The following GMDS variants were observed in gnomAD, a reference collection of about 807,000 sequenced individuals.
The protein encoded by GMDS is GDP-mannose 4,6 dehydratase.
Under a neutral mutation model 49.9 loss-of-function variants are expected in GMDS, and 20 were observed. The ratio of observed to expected loss-of-function variants is 0.40; its 90% CI spans 0.28 to 0.58. The LOEUF is 0.58. GMDS is among the 20% of genes least tolerant of loss of function. The pLI, the probability that GMDS is intolerant of heterozygous loss-of-function variation, is 0.42. For synonymous variants in GMDS, 177 were observed against 178.6 expected, an observed-to-expected ratio of 0.99 and a Z score of 0.07; for missense variants, 362 against 481.4, an observed-to-expected ratio of 0.75 and a Z score of 2.32.
chr6:2,095,377 G>A (rs972010740), intron 4 of GMDS, among the ~76,000 whole-genome samples: 1 of 152,194 alleles, frequency 6.6e-6, no homozygotes, highest in Non-Finnish European at 1.5e-5. Flanking sequence ...CCACTTGACG[G>A]ATGTCTACAA....
chr6:1,624,512 G>A lies in GMDS; in HGVS notation c.1016C>T (p.Ala339Val). Residue 339 changes from alanine to valine, a missense_variant, in exon 10 of 11, where the codon GCG becomes GTG. Ala to Val is a moderately conservative substitution (Grantham distance 64, BLOSUM62 0). Transcript: ENST00000380815. Reference protein sequence around the residue: ...VDFLQGDCTKAKQKLNWKPRV... With the variant: ...VDFLQGDCTKVKQKLNWKPRV... ...GGGCTTCCAGTTCAGCTTCTGTTTC[G>A]CTTTGGTGCAGTCGCCCTGCAGAAA... The A allele has an allele frequency of 6.2e-7, 1 of 1,613,824 alleles. No homozygotes were observed. Among genetic ancestry groups the A allele is most frequent in the Non-Finnish European group, 8.5e-7 (1 of 1,179,758 alleles).
intron 7 of GMDS, among the ~76,000 whole-genome samples, chr6:1,867,774 A>G (rs1423061092): frequency 1.3e-5 from 2 of 152,258 alleles, no homozygotes; most frequent in African/African-American, 4.8e-5. Context: ...AAAGTCTCAG[A>G]AAACAAATCA....
chr6:1,759,948 T>A (rs1768097030), intron 7 of GMDS, among the ~76,000 whole-genome samples: 1 of 141,520 alleles, frequency 7.1e-6, no homozygotes, highest in South Asian at 2.4e-4. Flanking sequence ...AGACCTAACA[T>A]ATTCTGGGCC....
At chr6:1,819,870 T>C (rs994350891) in intron 7 of GMDS, among the ~76,000 whole-genome samples, 1 of 150,984 alleles carries the variant, frequency 6.6e-6, no homozygotes, top group African/African-American at 2.4e-5. Flanking sequence ...GTTTGTCTCC[T>C]TGCTTCACTG....
At chr6:1,856,159 A>T (rs1757929358) in intron 7 of GMDS, among the ~76,000 whole-genome samples, 1 of 152,166 alleles carries the variant, frequency 6.6e-6, no homozygotes, top group Non-Finnish European at 1.5e-5. Context: ...GCTGGTGAGG[A>T]TCAAACTTGT....
At chr6:2,071,088 T>C (rs1771963596) in intron 4 of GMDS, among the ~76,000 whole-genome samples, 1 of 152,116 alleles carries the variant, frequency 6.6e-6, no homozygotes. Context: ...GCTTGCTCTG[T>C]CTCTTGTCCA....
intron 1 of GMDS, among the ~76,000 whole-genome samples, chr6:2,180,006 T>G (rs1179673213): frequency 6.6e-6 from 1 of 152,164 alleles, no homozygotes; most frequent in Non-Finnish European, 1.5e-5. Flanking sequence ...TTCCTACCAG[T>G]GCCCATTACA....
chr6:2,153,480 A>G (rs1776946839), intron 1 of GMDS, among the ~76,000 whole-genome samples: 1 of 152,212 alleles, frequency 6.6e-6, no homozygotes, highest in South Asian at 2.1e-4. Context: ...AATGTGTCCA[A>G]TATGAAAAGT....
At position 2,178,719 on chromosome 6, in the gene GMDS, A is replaced by G. The variant is rs1354374944; in HGVS notation, c.103-53988T>C. Among the ~76,000 whole-genome samples the G allele has an allele frequency of 2.0e-5, 3 of 152,224 alleles. No individual in the cohort carries two copies. The East Asian group carries it at 5.8e-4, about 29-fold the overall frequency. ...ACCTGTGTATGTACTCCATGAATCT[A>G]AAATAAAAGTTTAAATCAAGAAACA... On this transcript the variant is annotated intron_variant, in intron 1 of 10. Transcript: ENST00000380815.
intron 4 of GMDS, among the ~76,000 whole-genome samples, chr6:2,090,933 T>C (rs1252590908): frequency 6.6e-6 from 1 of 152,210 alleles, no homozygotes; most frequent in East Asian, 1.9e-4. Flanking sequence ...ATTCCAAGCT[T>C]TTATAAAAGC....
At chr6:2,075,608 A>G (rs961844016) in intron 4 of GMDS, among the ~76,000 whole-genome samples, 7 of 152,210 alleles carry the variant, frequency 4.6e-5, no homozygotes, top group African/African-American at 1.4e-4. Flanking sequence ...ATGGCTACAT[A>G]GTTTTCCATG....
intron 9 of GMDS, among the ~76,000 whole-genome samples, chr6:1,723,883 G>C (rs1208645641): frequency 1.3e-5 from 2 of 152,068 alleles, no homozygotes; most frequent in Non-Finnish European, 2.9e-5. Flanking sequence ...ATACCAAATG[G>C]CTCTAGACCA....
At chr6:2,076,637 C>T (rs1337111950) in intron 4 of GMDS, among the ~76,000 whole-genome samples, 3 of 152,046 alleles carry the variant, frequency 2.0e-5, no homozygotes, top group African/African-American at 7.2e-5. Context: ...CTTTGACAAA[C>T]CTGACAAAAA....
chr6:2,128,400 C>G (rs1775568880), intron 1 of GMDS, among the ~76,000 whole-genome samples: 1 of 152,074 alleles, frequency 6.6e-6, no homozygotes, highest in Non-Finnish European at 1.5e-5. Flanking sequence ...TTCTCAAACC[C>G]CTGACCTCAG....
intron 4 of GMDS, among the ~76,000 whole-genome samples, chr6:1,967,088 C>T (rs966408534): frequency 6.6e-6 from 1 of 152,196 alleles, no homozygotes; most frequent in African/African-American, 2.4e-5. Flanking sequence ...GGAGCCTTCA[C>T]GCTGCTGACC....
At chr6:1,747,684 T>G (rs1367243784) in intron 7 of GMDS, among the ~76,000 whole-genome samples, 1 of 152,218 alleles carries the variant, frequency 6.6e-6, no homozygotes, top group African/African-American at 2.4e-5. Flanking sequence ...GATGGCAGCC[T>G]GGTATTTAGT....
At chr6:1,824,959 C>T (rs1771046049) in intron 7 of GMDS, among the ~76,000 whole-genome samples, 1 of 152,142 alleles carries the variant, frequency 6.6e-6, no homozygotes, top group African/African-American at 2.4e-5. Flanking sequence ...ACCTCGGGCA[C>T]CCAGCACGGT....
At chr6:1,932,018 G>C (rs773649738) in intron 6 of GMDS, among the ~76,000 whole-genome samples, 13 of 152,208 alleles carry the variant, frequency 8.5e-5, no homozygotes, top group African/African-American at 1.2e-4. Flanking sequence ...GTCTGCAAGG[G>C]GGGAAAGCCT....
intron 1 of GMDS, among the ~76,000 whole-genome samples, chr6:2,237,291 G>A (rs911335301): frequency 6.6e-6 from 1 of 152,192 alleles, no homozygotes; most frequent in African/African-American, 2.4e-5. Context: ...CAAAGACTAG[G>A]TTTGGCACAT....
Sources: allele counts gnomAD v4.1 joint callset (sites outside exome capture counted in the v4.1 genomes callset), GRCh38; gene constraint gnomAD v4.1.1; transcripts MANE v1.5; gene names NCBI Gene and HGNC (gene_info 2026-07-23, HGNC 2026-07-21).